Variants in CPTP observed in about 807,000 individuals in gnomAD.
The protein encoded by CPTP is ceramide-1-phosphate transfer protein.
In CPTP, 5 loss-of-function variants were observed where a neutral mutation model predicts 5.7. The observed-to-expected ratio is 0.88, with a 90% CI of 0.46 to 1.86. CPTP has a LOEUF of 1.86. Among genes scored for constraint, CPTP ranks in the 40% most tolerant of loss-of-function variants. The probability of loss-of-function intolerance (pLI) is 0.01; values close to 1 mark genes in which losing one functional copy is unlikely to be tolerated. For synonymous variants in CPTP, 166 were observed against 142.7 expected (o/e 1.16, Z -1.16); for missense variants, 335 against 306.5 (o/e 1.09, Z -0.69).
At position 1,328,189 on chromosome 1, in the gene CPTP, C is replaced by T. The variant is rs964255148; in HGVS notation, c.*426C>T. The stretch of plus-strand genomic sequence containing the variant: ...TCCATCCTTTCTCCTTTCTGCCAGC[C>T]GATGTGTCCTCATCTCAGGCCCGTG... On this transcript the variant is annotated 3_prime_UTR_variant, in exon 3 of 3. Coordinates refer to ENST00000343938, the MANE Select transcript of CPTP (RefSeq NM_001029885.2). 4 of 252,984 alleles carry T rather than the reference C, an allele frequency of 1.6e-5. No homozygotes were observed. The highest frequency in any genetic ancestry group is 8.8e-5 in the South Asian group (2 of 22,710). 15.7% of individuals were successfully genotyped at this position (252,984 alleles called of 1,614,324 possible). A position where few individuals can be genotyped will look rare whatever the true frequency, so the allele number is the denominator to read the frequency against.
Position 1,324,856 on chromosome 1 carries a change from C to T in CPTP, c.-322C>T. 1 of 473,786 alleles carries T rather than the reference C, an allele frequency of 2.1e-6. No individual in the cohort carries two copies. Among genetic ancestry groups the T allele is most frequent in the Non-Finnish European group, 3.7e-6 (1 of 269,820 alleles). 29.3% of individuals were successfully genotyped at this position (473,786 alleles called of 1,614,324 possible). ...GAGCGGCTCGGACTCGGCGGCCGCA[C>T]CTGCCCAACCCAACCCGCACGGTCC... On this transcript the variant is annotated 5_prime_UTR_variant, in exon 1 of 3. Transcript: ENST00000343938.
chr1:1,328,029 C>T lies in CPTP; in HGVS notation c.*266C>T, dbSNP rs755274623. On this transcript the variant is annotated 3_prime_UTR_variant, in exon 3 of 3. Coordinates refer to ENST00000343938, the MANE Select transcript of CPTP (RefSeq NM_001029885.2). ...ATTACACGCGTGCGCAGCCAGGCCTCGCCAGGGTGCGGTGCAGAGCAGAGC... is the reference window on the plus strand; with the variant it reads ...ATTACACGCGTGCGCAGCCAGGCCTTGCCAGGGTGCGGTGCAGAGCAGAGC... 4.2e-5 allele frequency: 23 copies of T among 551,220 alleles called. No individual in the cohort carries two copies. The highest frequency in any genetic ancestry group is 4.8e-4 in the Middle Eastern group (1 of 2,102). The allele number at this position is 551,220 out of a possible 1,614,324, so 34.1% of individuals were successfully genotyped here. A position where few individuals can be genotyped will look rare whatever the true frequency, so the allele number is the denominator to read the frequency against.
Position 1,327,632 on chromosome 1 carries a change from C to T in CPTP, c.514C>T (p.Leu172=). 2.5e-6 allele frequency: 4 copies of T among 1,612,600 alleles called. No individual in the cohort carries two copies. The highest frequency in any genetic ancestry group is 3.4e-6 in the Non-Finnish European group (4 of 1,179,854). ...FCTLPTREVF[L]EAMNVGPPEQ... The stretch of plus-strand genomic sequence containing the variant: ...CACGCTGCCCACACGCGAGGTCTTC[C>T]TGGAGGCCATGAACGTGGGGCCCCC... Residue 172 remains leucine (L), a synonymous_variant, in exon 3 of 3, where the codon CTG becomes TTG. Coordinates refer to ENST00000343938, the MANE Select transcript of CPTP (RefSeq NM_001029885.2).
rs531886090 is a variant in CPTP at position 1,326,571 on chromosome 1, G to A, written c.-75-265G>A. ...AGAGACACCTGCTGCAGACAGCGGG[G>A]CCTAGTGGTCTGATAAAGCCAGAGG... On this transcript the variant is annotated intron_variant, in intron 1 of 2. Coordinates refer to ENST00000343938, the MANE Select transcript of CPTP (RefSeq NM_001029885.2). Among the ~76,000 whole-genome samples, 6 of 152,360 alleles carry A rather than the reference G, an allele frequency of 3.9e-5. No individual in the cohort carries two copies. In the South Asian group the frequency reaches 1.2e-3, roughly 32 times the overall value.
At position 1,324,995 on chromosome 1, in the gene CPTP, C is replaced by T. The variant is rs1223230541; in HGVS notation, c.-183C>T. 9.0e-6 allele frequency: 2 copies of T among 223,366 alleles called. No individual in the cohort carries two copies. Among genetic ancestry groups the T allele is most frequent in the African/African-American group, 4.6e-5 (2 of 43,412 alleles). The allele number at this position is 223,366 out of a possible 1,614,324, so 13.8% of individuals were successfully genotyped here. ...GACGGAGCCGTGGCTCAGGTCGGCCCCTCCCCAACACCACCCCGGGCCTCC... is the reference window on the plus strand; with the variant it reads ...GACGGAGCCGTGGCTCAGGTCGGCCTCTCCCCAACACCACCCCGGGCCTCC... On this transcript the variant is annotated 5_prime_UTR_variant, in exon 1 of 3. Transcript: ENST00000343938.
chr1:1,327,835 C>T lies in CPTP; in HGVS notation c.*72C>T, dbSNP rs1314712074. The T allele has an allele frequency of 1.4e-5, 21 of 1,532,200 alleles. No individual in the cohort carries two copies. The highest frequency in any genetic ancestry group is 9.0e-5 in the East Asian group (4 of 44,458). 94.9% of individuals were successfully genotyped at this position (1,532,200 alleles called of 1,614,324 possible). ...CTGCGGTGGCCAGGGCCGTGAGTCC[C>T]GTGGCAGAGCCTTCTGGGCGCTGCG... On this transcript the variant is annotated 3_prime_UTR_variant, in exon 3 of 3. Transcript: ENST00000343938.
rs1373154150 is a variant in CPTP at position 1,327,498 on chromosome 1, C to G, written c.380C>G (p.Thr127Ser). 6.4e-7 allele frequency: 1 copy of G among 1,573,446 alleles called. No individual in the cohort carries two copies. Among genetic ancestry groups the G allele is most frequent in the Non-Finnish European group, 8.6e-7 (1 of 1,163,934 alleles). ...WLQLFLEGLR[T>S]SPEDARTSAL... ...CAGCTGTTCCTGGAGGGCCTGCGTA[C>G]CAGCCCCGAGGACGCACGCACCTCC... is the stretch of plus-strand genomic sequence containing the variant. Residue 127 changes from threonine (T) to serine (S), a missense_variant, in exon 3 of 3, where the codon ACC becomes AGC. Physicochemically the swap from Thr to Ser is moderately conservative, Grantham distance 58 (BLOSUM62 1). Coordinates refer to ENST00000343938, the MANE Select transcript of CPTP (RefSeq NM_001029885.2).
Position 1,326,955 on chromosome 1 carries a change from C to G in CPTP, c.45C>G (p.Val15=), listed in dbSNP as rs201512938. 1 of 1,613,792 alleles carries G rather than the reference C, an allele frequency of 6.2e-7. No homozygotes were observed. Among genetic ancestry groups the G allele is most frequent in the East Asian group, 2.2e-5 (1 of 44,882 alleles). ...GTTTCAATCTGAAAGTCGTCCTGGT[C>G]AGTTTCAAGCAGTGTCTCGATGAGA... ...ETGFNLKVVL[V]SFKQCLDEKE... The change falls in exon 2 of 3, where the codon GTC becomes GTG. Residue 15 remains valine (V), a synonymous_variant. Coordinates refer to ENST00000343938, the MANE Select transcript of CPTP (RefSeq NM_001029885.2).
rs1038545198 is a variant in CPTP at position 1,324,854 on chromosome 1, C to CACCTGCCCA, written c.-320_-312dup. The CACCTGCCCA allele has an allele frequency of 4.2e-6, 2 of 476,178 alleles. No individual in the cohort carries two copies. The highest frequency in any genetic ancestry group is 4.2e-5 in the African/African-American group (2 of 47,588). The allele number at this position is 476,178 out of a possible 1,614,324, so 29.5% of individuals were successfully genotyped here. A position where few individuals can be genotyped will look rare whatever the true frequency, so the allele number is the denominator to read the frequency against. On this transcript the variant is annotated 5_prime_UTR_variant, in exon 1 of 3. Transcript: ENST00000343938. ...GTGAGCGGCTCGGACTCGGCGGCCG[C>CACCTGCCCA]ACCTGCCCAACCCAACCCGCACGGT...
chr1:1,326,905 CA>C lies in CPTP; in HGVS notation c.1del. ...AGCCCTACTGTATTTCCGTTCCTAT[CA>C]AAAAATGGATGACTCGGAGACAGGT... is the stretch of plus-strand genomic sequence containing the variant. On this transcript the variant is annotated 5_prime_UTR_variant, in exon 2 of 3. Coordinates refer to ENST00000343938, the MANE Select transcript of CPTP (RefSeq NM_001029885.2). The C allele has an allele frequency of 6.2e-7, 1 of 1,613,692 alleles. No homozygotes were observed. Among genetic ancestry groups the C allele is most frequent in the Non-Finnish European group, 8.5e-7 (1 of 1,179,920 alleles).
At chr1:1,325,204 C>A (rs1643265221) in intron 1 of CPTP, 102 bp downstream of exon 1, 1 of 152,796 alleles carries the variant, frequency 6.5e-6, no homozygotes, top group Non-Finnish European at 1.5e-5. Flanking sequence ...TGCTGTCAGC[C>A]CCCGTGCTCT....
chr1:1,328,024 G>C lies in CPTP; in HGVS notation c.*261G>C. 1.8e-6 allele frequency: 1 copy of C among 559,884 alleles called. No individual in the cohort carries two copies. The highest frequency in any genetic ancestry group is 2.2e-5 in the South Asian group (1 of 46,270). The allele number at this position is 559,884 out of a possible 1,614,324, so 34.7% of individuals were successfully genotyped here. A position where few individuals can be genotyped will look rare whatever the true frequency, so the allele number is the denominator to read the frequency against. On this transcript the variant is annotated 3_prime_UTR_variant, in exon 3 of 3. Transcript: ENST00000343938. ...GGCCTATTACACGCGTGCGCAGCCA[G>C]GCCTCGCCAGGGTGCGGTGCAGAGC...
intron 1 of CPTP, among the ~76,000 whole-genome samples, chr1:1,326,417 C>G (rs747535884): frequency 6.6e-6 from 1 of 152,130 alleles, no homozygotes; most frequent in Non-Finnish European, 1.5e-5. Flanking sequence ...GATGGCTGCT[C>G]GCACTCCCCA....
rs537428200 is a variant in CPTP, at chr1:1,326,315, C to G, written c.-75-521C>G. 2.1e-5 allele frequency among the ~76,000 whole-genome samples: 3 copies of G among 146,222 alleles called. No individual in the cohort carries two copies. In the South Asian group the frequency reaches 6.6e-4, roughly 32 times the overall value. ...CCTGCCCGGCAGCATCCCCCCACCC[C>G]CGGCCCCACCTGTCTCTGCTTTCTG... On this transcript the variant is annotated intron_variant, in intron 1 of 2. Coordinates refer to ENST00000343938, the MANE Select transcript of CPTP (RefSeq NM_001029885.2).
At chr1:1,325,964 G>A (rs1332279080) in intron 1 of CPTP, among the ~76,000 whole-genome samples, 2 of 152,222 alleles carry the variant, frequency 1.3e-5, no homozygotes, top group Non-Finnish European at 2.9e-5. Context: ...CCCAGAGCAG[G>A]TGCGGGCCCG....
Position 1,328,699 on chromosome 1 carries a change from A to C in CPTP, c.*936A>C, listed in dbSNP as rs559241411. ...GTGGCCCAGCCAAAGGCTACCAGAC[A>C]GCCACAACCAGCCCAGCCACCATCC... On this transcript the variant is annotated 3_prime_UTR_variant, in exon 3 of 3. Transcript: ENST00000343938. The C allele has an allele frequency of 6.6e-6, 1 of 152,626 alleles. No homozygotes were observed. Among genetic ancestry groups the C allele is most frequent in the East Asian group, 1.9e-4 (1 of 5,184 alleles). The allele number at this position is 152,626 out of a possible 1,614,324, so 9.5% of individuals were successfully genotyped here.
intron 1 of CPTP, among the ~76,000 whole-genome samples, chr1:1,326,044 T>C (rs1035796937): frequency 6.6e-6 from 1 of 152,168 alleles, no homozygotes; most frequent in Non-Finnish European, 1.5e-5. Context: ...CCTGGATGTC[T>C]GTGGATCTGT....
Position 1,327,880 on chromosome 1 carries a change from C to T in CPTP, c.*117C>T, listed in dbSNP as rs573702996. 221 of 1,197,882 alleles carry T rather than the reference C, an allele frequency of 1.8e-4. 1 individual carries two copies. The South Asian group carries it at 2.6e-3, about 14-fold the overall frequency. 74.2% of individuals were successfully genotyped at this position (1,197,882 alleles called of 1,614,324 possible). A position where few individuals can be genotyped will look rare whatever the true frequency, so the allele number is the denominator to read the frequency against. ...GCTGCGGGAACAGGAGATCCTCTGT[C>T]GCCCCTGTGAGCTGAGCTGGTTAGG... On this transcript the variant is annotated 3_prime_UTR_variant, in exon 3 of 3. Coordinates refer to ENST00000343938, the MANE Select transcript of CPTP (RefSeq NM_001029885.2).
Position 1,327,365 on chromosome 1 carries a change from G to T in CPTP, c.247G>T (p.Val83Leu), listed in dbSNP as rs1171811604. 1 of 1,598,334 alleles carries T rather than the reference G, an allele frequency of 6.3e-7. No homozygotes were observed. Among genetic ancestry groups the T allele is most frequent in the Non-Finnish European group, 8.5e-7 (1 of 1,178,942 alleles). ...GCACTACCGCAGCCTGCAGGCCATG[G>T]TGGCCCACGAGCTGAGCAACCGGCT... Reference protein sequence around the residue: ...SEHYRSLQAMVAHELSNRLVD... With the variant: ...SEHYRSLQAMLAHELSNRLVD... The change falls in exon 3 of 3, where the codon GTG becomes TTG. Residue 83 changes from valine to leucine, a missense_variant. By Grantham distance (32) the Val-to-Leu change is conservative. Coordinates refer to ENST00000343938, the MANE Select transcript of CPTP (RefSeq NM_001029885.2).
Sources: allele counts gnomAD v4.1 joint callset (sites outside exome capture counted in the v4.1 genomes callset), GRCh38; gene constraint gnomAD v4.1.1; transcripts MANE v1.5; gene names NCBI Gene and HGNC (gene_info 2026-07-23, HGNC 2026-07-21).